LPO: variants seen among roughly 807,000 people sequenced by gnomAD.
LPO encodes the protein lactoperoxidase.
In LPO, 70 loss-of-function variants were observed where a neutral mutation model predicts 68.4. The observed-to-expected ratio is 1.02, with a 90% CI of 0.84 to 1.25. The LOEUF (loss-of-function observed/expected upper bound fraction) is 1.25, where lower values mean the gene tolerates loss of function less well. Among genes scored for constraint, LPO ranks in the 50% most tolerant of loss-of-function variants. The probability of loss-of-function intolerance (pLI) is 0.00; values close to 1 mark genes in which losing one functional copy is unlikely to be tolerated. For missense variants in LPO, 873 were observed against 908.4 expected (o/e 0.96, Z 0.50); for synonymous variants, 360 against 357.6 (o/e 1.01, Z -0.08).
At chr17:58,254,152 T>TATAGATATATATATAGATAGATAGATAG (rs1555605278) in intron 8 of LPO, among the ~76,000 whole-genome samples, 84 of 133,390 alleles carry the variant, frequency 6.3e-4, no homozygotes, top group African/African-American at 2.4e-3. Flanking sequence ...TATATAGATA[T>TATAGATATATATATAGATAGATAGATAG]ATAGATAGAT....
Position 58,252,197 on chromosome 17 carries a change from C to A in LPO, c.796C>A (p.Pro266Thr), listed in dbSNP as rs200500226. The A allele has an allele frequency of 2.4e-5, 38 of 1,613,984 alleles. No individual in the cohort carries two copies. Among genetic ancestry groups the A allele is most frequent in the Non-Finnish European group, 3.1e-5 (36 of 1,180,002 alleles). The change falls in exon 8 of 13, where the codon CCC (proline) becomes ACC (threonine). Residue 266 changes from proline to threonine, a missense_variant. Physicochemically the swap from Pro to Thr is conservative, Grantham distance 38 (BLOSUM62 -1). Transcript: ENST00000262290. ...CFPIMFPPND[P>T]KAGTQGKCMP... is the part of the protein sequence containing the mutation. Reference sequence around the variant, plus strand: ...CTCTCTGCAGTTCCCACCCAATGACCCCAAGGCGGGGACTCAAGGGAAATG... The same window carrying A: ...CTCTCTGCAGTTCCCACCCAATGACACCAAGGCGGGGACTCAAGGGAAATG...
rs142897237 is a variant in LPO at position 58,252,433 on chromosome 17, G to T, written c.1032G>T (p.Leu344=). Residue 344 remains leucine (L), a synonymous_variant, in exon 8 of 13, where the codon CTG becomes CTT. Transcript: ENST00000262290. ...QEVSDHGLPY[L]PYDSKKPSPC... ...TCTCAGACCATGGACTACCCTACCT[G>T]CCCTATGACAGCAAGAAGCCAAGCC... The T allele has an allele frequency of 4.0e-4, 647 of 1,614,092 alleles. 3 individuals are homozygous for T. The African/African-American group carries it at 7.5e-3, about 19-fold the overall frequency.
Position 58,264,958 on chromosome 17 carries a change from G to A in LPO, c.1503G>A (p.Trp501Ter). Residue 501 changes from tryptophan to a stop codon, truncating the protein, a stop_gained, in exon 10 of 13, where the codon TGG (tryptophan) becomes TGA (stop). Transcript: ENST00000262290. LOFTEE classifies it high-confidence loss of function. The stretch of plus-strand genomic sequence containing the variant: ...TCCACACCCTCTTCTTCAACACTTG[G>A]AGGATGGTCAAAGATGGTATGCCCT... ...LPLHTLFFNTWRMVKDGGIDP... is the reference protein window; with the variant it reads ...LPLHTLFFNT The A allele has an allele frequency of 6.2e-7, 1 of 1,614,196 alleles. No individual in the cohort carries two copies. Among genetic ancestry groups the A allele is most frequent in the Non-Finnish European group, 8.5e-7 (1 of 1,180,038 alleles).
At chr17:58,266,419 C>A in intron 11 of LPO, 93 bp downstream of exon 11, 1 of 1,350,388 alleles carries the variant, frequency 7.4e-7, no homozygotes, top group South Asian at 1.4e-5. Context: ...AGGATCTGAT[C>A]ATCTGATCAA....
chr17:58,257,422 C>T (rs772751308), intron 9 of LPO, among the ~76,000 whole-genome samples: 13 of 152,318 alleles, frequency 8.5e-5, no homozygotes, highest in Middle Eastern at 3.4e-3. Flanking sequence ...GCATATTTCA[C>T]GTAACATAAT....
chr17:58,258,880 A>G (rs1970122138), intron 9 of LPO, among the ~76,000 whole-genome samples: 1 of 152,218 alleles, frequency 6.6e-6, no homozygotes, highest in Admixed American at 6.5e-5. Flanking sequence ...CTTCAATAAA[A>G]TACTTGTTCA....
At chr17:58,265,081 G>A in intron 10 of LPO, 107 bp downstream of exon 10, 2 of 1,432,164 alleles carry the variant, frequency 1.4e-6, no homozygotes, top group Non-Finnish European at 1.9e-6. Flanking sequence ...CATGACCTTG[G>A]GCAAATGAAT....
At chr17:58,260,109 A>G (rs1310978901) in intron 9 of LPO, among the ~76,000 whole-genome samples, 1 of 152,236 alleles carries the variant, frequency 6.6e-6, no homozygotes, top group East Asian at 1.9e-4. Context: ...CACCATGCCC[A>G]GCCCAGTATT....
chr17:58,239,391 T>C (rs986182950), intron 1 of LPO, among the ~76,000 whole-genome samples: 1 of 151,678 alleles, frequency 6.6e-6, no homozygotes, highest in Non-Finnish European at 1.5e-5. Context: ...AATGGGGTGG[T>C]TAAATTATAT....
At chr17:58,262,458 C>T (rs753093971) in intron 9 of LPO, among the ~76,000 whole-genome samples, 3 of 152,172 alleles carry the variant, frequency 2.0e-5, no homozygotes, top group African/African-American at 7.2e-5. Flanking sequence ...GGCAACATCT[C>T]GACTCACGGC....
chr17:58,245,603 C>T (rs1021566101), intron 3 of LPO, among the ~76,000 whole-genome samples: 18 of 152,126 alleles, frequency 1.2e-4, no homozygotes, highest in African/African-American at 3.9e-4. Flanking sequence ...TTCCAGATTC[C>T]GCCCCTCTCT....
chr17:58,259,756 T>C lies in LPO; in HGVS notation c.1266+4785T>C, dbSNP rs531149443. 6.2e-4 allele frequency among the ~76,000 whole-genome samples: 94 copies of C among 152,342 alleles called. 1 individual carries two copies. Among genetic ancestry groups the C allele is most frequent in the Middle Eastern group, 3.4e-3 (1 of 292 alleles). ...ATTTTTTATTTCTTTAATCAACATT[T>C]TGTAGTTTTATCACACAGATTCTGT... On this transcript the variant is annotated intron_variant, in intron 9 of 12. Coordinates refer to ENST00000262290, the MANE Select transcript of LPO (RefSeq NM_006151.3).
chr17:58,247,433 T>G, intron 3 of LPO, 45 bp from the exon 4 acceptor site: 6 of 1,029,672 alleles, frequency 5.8e-6, no homozygotes, highest in African/African-American at 1.7e-5. Context: ...CCCAGCCCCC[T>G]TCCTACAGGG....
Position 58,267,418 on chromosome 17 carries a change from T to C in LPO, c.1763T>C (p.Leu588Pro), listed in dbSNP as rs1255434393. ...ACACTAGAGGAGTTGAACACAGTGCTGAAGAGCAAGATGCTGGCCAAGAAG... is the reference window on the plus strand; with the variant it reads ...ACACTAGAGGAGTTGAACACAGTGCCGAAGAGCAAGATGCTGGCCAAGAAG... ...PQTLEELNTVLKSKMLAKKLL... is the reference protein window; with the variant it reads ...PQTLEELNTVPKSKMLAKKLL... Residue 588 changes from leucine (L) to proline (P), a missense_variant, in exon 12 of 13, where the codon CTG becomes CCG. Transcript: ENST00000262290. 1.2e-6 allele frequency: 2 copies of C among 1,614,208 alleles called. No individual in the cohort carries two copies. Among genetic ancestry groups the C allele is most frequent in the Non-Finnish European group, 8.5e-7 (1 of 1,180,034 alleles).
intron 6 of LPO, 31 bp downstream of exon 6, chr17:58,249,726 G>A (rs991799383): frequency 6.5e-7 from 1 of 1,535,184 alleles, no homozygotes; most frequent in South Asian, 1.2e-5. Flanking sequence ...GGTGAAGGAT[G>A]GGAGCCAGAG....
chr17:58,243,193 C>A (rs1969789601), intron 2 of LPO, 138 bp downstream of exon 2: 8 of 799,902 alleles, frequency 1.0e-5, no homozygotes, highest in Non-Finnish European at 1.4e-5. Context: ...CAGGGCTGTG[C>A]TCCCTCTGAA....
chr17:58,266,451 AG>A (rs1970268843), intron 11 of LPO, 125 bp downstream of exon 11: 1 of 955,816 alleles, frequency 1.0e-6, no homozygotes, highest in Non-Finnish European at 1.5e-6. Context: ...AAGTCAGGCC[AG>A]TTTTTTTTGT....
intron 3 of LPO, among the ~76,000 whole-genome samples, chr17:58,244,928 C>T (rs997001289): frequency 1.3e-5 from 2 of 152,212 alleles, no homozygotes; most frequent in African/African-American, 2.4e-5. Context: ...CCTCAGGAAA[C>T]GCACACTCTA....
intron 9 of LPO, 59 bp downstream of exon 9, chr17:58,255,030 C>T: frequency 6.3e-7 from 1 of 1,574,820 alleles, no homozygotes; most frequent in Non-Finnish European, 8.7e-7. Flanking sequence ...CCTGGCTCTG[C>T]CCTCTGCTGG....
Sources: gnomAD v4.1 joint callset for allele counts (sites outside exome capture counted in the v4.1 genomes callset) on GRCh38, gnomAD v4.1.1 for gene constraint, MANE v1.5 for transcripts, NCBI Gene and HGNC (gene_info 2026-07-23, HGNC 2026-07-21) for gene names.